Variants in GSE1 observed in about 807,000 individuals in gnomAD.
The protein encoded by GSE1 is Gse1 coiled-coil protein.
In GSE1, 32 loss-of-function variants were observed where a neutral mutation model predicts 112.6. The ratio of observed to expected loss-of-function variants is 0.28; its 90% confidence interval spans 0.21 to 0.38. The LOEUF (loss-of-function observed/expected upper bound fraction) is 0.38. Among genes scored for constraint, GSE1 ranks in the 10% least tolerant of loss-of-function variants. The pLI is 1.00. For synonymous variants in GSE1, 1,115 were observed against 735.6 expected (o/e 1.52, Z -8.35); for missense variants, 2,348 against 1,699.2 (o/e 1.38, Z -6.71).
intron 2 of GSE1, among the ~76,000 whole-genome samples, chr16:85,533,375 G>C (rs1041929111): frequency 6.6e-6 from 1 of 151,996 alleles, no homozygotes; most frequent in African/African-American, 2.4e-5. Context: ...AGCCGAGATC[G>C]CACCATTGCA....
Position 85,342,073 on chromosome 16 carries a change from G to A in GSE1, c.2284-15390G>A, listed in dbSNP as rs1229616832. On this transcript the variant is annotated intron_variant, in intron 1 of 2. Coordinates refer to the GSE1 transcript ENST00000637419. ...TGGGATTGTGTCTGCAGGGCCCGGTGGCCAGCCCTCCAGCCCATCACTGCC... is the reference window on the plus strand; with the variant it reads ...TGGGATTGTGTCTGCAGGGCCCGGTAGCCAGCCCTCCAGCCCATCACTGCC... 3.3e-5 allele frequency among the ~76,000 whole-genome samples: 5 copies of A among 152,108 alleles called. 1 individual carries two copies. The highest frequency in any genetic ancestry group is 1.2e-4 in the African/African-American group (5 of 41,500).
At chr16:85,221,304 C>A (rs534094227) in intron 1 of GSE1, among the ~76,000 whole-genome samples, 31 of 140,480 alleles carry the variant, frequency 2.2e-4, no homozygotes, top group African/African-American at 6.4e-4. Context: ...TTCACACTTC[C>A]CTAGCGCGCA....
rs867797787 is a variant in GSE1, at chr16:85,374,104, G to A, written c.2464+16461G>A. ...GCTGTATGTGTTGGTGTGTGCACGC[G>A]TGGCCCTCAGTGTGTAGTGTGTGTC... On this transcript the variant is annotated intron_variant, in intron 2 of 2. Coordinates refer to the GSE1 transcript ENST00000637419. Among the ~76,000 whole-genome samples, 38 of 152,248 alleles carry A rather than the reference G, an allele frequency of 2.5e-4. 1 individual carries two copies. The highest frequency in any genetic ancestry group is 8.8e-5 in the Non-Finnish European group (6 of 68,012).
In GSE1 at chr16:85,668,008, G is replaced by C. The variant is rs557497700; in HGVS notation, c.3131-132G>C. The C allele has an allele frequency of 9.3e-5, 64 of 687,082 alleles. No individual in the cohort carries two copies. In the South Asian group the frequency reaches 1.3e-3, roughly 14 times the overall value. The allele number at this position is 687,082 out of a possible 1,614,324, so 42.6% of individuals were successfully genotyped here. On this transcript the variant is annotated intron_variant, in intron 13 of 15. Coordinates refer to ENST00000253458, the MANE Select transcript of GSE1 (RefSeq NM_014615.5). ...TGGGCTAGGTCCCTCCTCTCTACGC[G>C]ATGTCATCTTGGTCCCCGGAGCCCT... is the stretch of plus-strand genomic sequence containing the variant.
chr16:85,324,889 G>A (rs1160432124), intron 1 of GSE1, among the ~76,000 whole-genome samples: 1 of 152,190 alleles, frequency 6.6e-6, no homozygotes, highest in Non-Finnish European at 1.5e-5. Flanking sequence ...ACGGCATTGT[G>A]AAATGTAAAA....
intron 1 of GSE1, among the ~76,000 whole-genome samples, chr16:85,337,210 C>T (rs1409789858): frequency 6.6e-6 from 1 of 152,230 alleles, no homozygotes; most frequent in Non-Finnish European, 1.5e-5. Flanking sequence ...AAAGCTCATG[C>T]TACCCTTTGG....
intron 1 of GSE1, among the ~76,000 whole-genome samples, chr16:85,341,068 T>C (rs958676615): frequency 2.0e-5 from 3 of 152,242 alleles, no homozygotes; most frequent in Admixed American, 2.0e-4. Flanking sequence ...TTGATTATTA[T>C]TTTATTGCCA....
upstream of GSE1, among the ~76,000 whole-genome samples, chr16:85,553,305 CGCCGCT>C (rs985434587): frequency 6.6e-6 from 1 of 150,434 alleles, no homozygotes; most frequent in Non-Finnish European, 1.5e-5. Flanking sequence ...CCGCCGCCGC[CGCCGCT>C]GCCGGCGGGT....
In GSE1 at chr16:85,311,321, G is replaced by A. The variant is rs957662258; in HGVS notation, c.2284-46142G>A. Among the ~76,000 whole-genome samples the A allele has an allele frequency of 1.3e-5, 2 of 152,234 alleles. No individual in the cohort carries two copies. Among genetic ancestry groups the A allele is most frequent in the South Asian group, 2.1e-4 (1 of 4,838 alleles). ...AGCGGGCTCCCTGGACAGGGTGGGC[G>A]TCGTTAGAGCAGAAACGGTGGTGGC... On this transcript the variant is annotated intron_variant, in intron 1 of 2. Transcript: ENST00000637419. This position sits in a 1 kb window ranked among gnomAD's most constrained non-coding sequence, Gnocchi z 4.2.
At chr16:85,408,743 T>C (rs2048392199) in intron 2 of GSE1, among the ~76,000 whole-genome samples, 3 of 56,794 alleles carry the variant, frequency 5.3e-5, no homozygotes, top group Admixed American at 4.4e-4. Flanking sequence ...ACTGTCACTC[T>C]CAGGCCCCCC....
At chr16:85,560,836 A>G (rs1346124416) in intron 1 of GSE1, among the ~76,000 whole-genome samples, 1 of 152,056 alleles carries the variant, frequency 6.6e-6, no homozygotes, top group Non-Finnish European at 1.5e-5. Flanking sequence ...AAAAATAATA[A>G]TAATAACGAG....
At chr16:85,590,401 T>TTG (rs569114653) in intron 1 of GSE1, among the ~76,000 whole-genome samples, 1 of 146,510 alleles carries the variant, frequency 6.8e-6, no homozygotes, top group Admixed American at 6.8e-5. Context: ...ATGTGTGACA[T>TTG]TGTGTGTGTG....
chr16:85,320,261 T>C (rs558349657), intron 1 of GSE1, among the ~76,000 whole-genome samples: 1 of 152,170 alleles, frequency 6.6e-6, no homozygotes, highest in East Asian at 1.9e-4. Flanking sequence ...GGGCGGCGCA[T>C]GAGTTAGCCG....
intron 1 of GSE1, among the ~76,000 whole-genome samples, chr16:85,234,275 C>T (rs1414192087): frequency 6.6e-6 from 1 of 152,146 alleles, no homozygotes; most frequent in Non-Finnish European, 1.5e-5. Context: ...GGGCTACTGC[C>T]TCATTTTGAA....
intron 1 of GSE1, among the ~76,000 whole-genome samples, chr16:85,212,440 G>A (rs2075242459): frequency 6.6e-6 from 1 of 152,096 alleles, no homozygotes. Context: ...ACCTGGGGTA[G>A]AATGGTTTGG....
chr16:85,303,406 C>T (rs185484165), intron 1 of GSE1, among the ~76,000 whole-genome samples: 1 of 152,216 alleles, frequency 6.6e-6, no homozygotes, highest in Non-Finnish European at 1.5e-5. Context: ...TCCCACCTGT[C>T]GGTCTGACGG....
At chr16:85,272,799 G>A (rs1289162027) in intron 1 of GSE1, among the ~76,000 whole-genome samples, 16 of 143,342 alleles carry the variant, frequency 1.1e-4, no homozygotes, top group Middle Eastern at 3.7e-3. Context: ...TTTTTTTGAC[G>A]GAGTTTCACT....
At chr16:85,592,652 A>G (rs1298311640) in intron 1 of GSE1, 4 of 152,162 alleles carry the variant, frequency 2.6e-5, no homozygotes, top group South Asian at 2.1e-4. Flanking sequence ...CCTTGGTTAC[A>G]TCGGTTTTTA....
chr16:85,480,920 G>A (rs1597896314), intron 2 of GSE1, among the ~76,000 whole-genome samples: 3 of 152,332 alleles, frequency 2.0e-5, no homozygotes, highest in African/African-American at 7.2e-5. Context: ...AAGCACCGGC[G>A]GTGCCCCCAG....
Sources: allele counts gnomAD v4.1 joint callset (sites outside exome capture counted in the v4.1 genomes callset), GRCh38; gene constraint gnomAD v4.1.1; non-coding constraint Gnocchi (gnomAD v3.1); transcripts MANE v1.5; gene names NCBI Gene and HGNC (gene_info 2026-07-23, HGNC 2026-07-21).